The following C10orf67 variants were observed in gnomAD, a reference collection of about 807,000 sequenced individuals.
C10orf67 encodes chromosome 10 open reading frame 67.
C10orf67 carries 60 observed loss-of-function variants against 35.6 expected under a neutral mutation model. The ratio of observed to expected loss-of-function variants is 1.68; its 90% CI spans 1.37 to 2.09. C10orf67 has a LOEUF of 2.09. Ranked by LOEUF, C10orf67 falls within the 30% of genes most tolerant of loss-of-function variation. The pLI is 0.00. For missense variants in C10orf67, 474 were observed against 330.2 expected, an observed-to-expected ratio of 1.44 and a Z score of -3.38; for synonymous variants, 167 against 115.8, an observed-to-expected ratio of 1.44 and a Z score of -2.84.
chr10:23,226,921 CAG>C (rs992057022), intron 13 of C10orf67, among the ~76,000 whole-genome samples: 2 of 152,174 alleles, frequency 1.3e-5, no homozygotes, highest in African/African-American at 4.8e-5. Flanking sequence ...AGACCAATAA[CAG>C]GATCTGAAAT....
At chr10:23,277,159 GA>G (rs1564485746) in intron 8 of C10orf67, among the ~76,000 whole-genome samples, 2 of 152,164 alleles carry the variant, frequency 1.3e-5, no homozygotes, top group Admixed American at 6.5e-5. Flanking sequence ...GTGGACACTG[GA>G]GTTTTTCAGA....
At chr10:23,314,715 G>C (rs958464245) in intron 4 of C10orf67, among the ~76,000 whole-genome samples, 1 of 152,090 alleles carries the variant, frequency 6.6e-6, no homozygotes, top group African/African-American at 2.4e-5. Context: ...TATAGGACTA[G>C]AGGCTTCAGT....
rs530392728 is a variant in C10orf67, at chr10:23,202,814, G to C, written c.*1359C>G. ...AGCAGTTTGATATCACACCCAACCA[G>C]GAGGCTGCTTCCAAGGAATTTCTGT... On this transcript the variant is annotated 3_prime_UTR_variant, in exon 16 of 16. Coordinates refer to ENST00000636213, the MANE Select transcript of C10orf67 (RefSeq NM_001371909.1). 1 of 152,308 alleles carries C rather than the reference G, an allele frequency of 6.6e-6. No individual in the cohort carries two copies. The highest frequency in any genetic ancestry group is 1.5e-5 in the Non-Finnish European group (1 of 68,030). The allele number at this position is 152,308 out of a possible 1,614,324, so 9.4% of individuals were successfully genotyped here.
intron 15 of C10orf67, among the ~76,000 whole-genome samples, chr10:23,222,943 C>G (rs552678577): frequency 6.6e-6 from 1 of 152,090 alleles, no homozygotes; most frequent in Admixed American, 6.6e-5. Context: ...GCCACCAGGC[C>G]CAGTCTACTT....
intron 5 of C10orf67, among the ~76,000 whole-genome samples, chr10:23,296,796 A>T (rs984388998): frequency 2.0e-5 from 3 of 152,214 alleles, no homozygotes; most frequent in Non-Finnish European, 2.9e-5. Context: ...GACAAACTTA[A>T]CAAGGAGGTT....
intron 2 of C10orf67, among the ~76,000 whole-genome samples, chr10:23,331,145 G>T (rs1845434264): frequency 6.7e-6 from 1 of 148,868 alleles, no homozygotes; most frequent in Non-Finnish European, 1.5e-5. Flanking sequence ...ACCGAGACGG[G>T]AACCAGGAAG....
At chr10:23,257,066 A>C (rs1176112578) in intron 10 of C10orf67, among the ~76,000 whole-genome samples, 1 of 152,208 alleles carries the variant, frequency 6.6e-6, no homozygotes, top group Non-Finnish European at 1.5e-5. Context: ...TGGGAAAAAC[A>C]AAAGAAACAG....
At chr10:23,254,427 C>G (rs1052916981) in intron 10 of C10orf67, among the ~76,000 whole-genome samples, 1 of 152,142 alleles carries the variant, frequency 6.6e-6, no homozygotes, top group East Asian at 1.9e-4. Flanking sequence ...CCACGCTGGT[C>G]TTGAACTCCT....
At chr10:23,223,691 G>A (rs1841653381) in intron 14 of C10orf67, 33 bp from the exon 15 acceptor site, 2 of 717,112 alleles carry the variant, frequency 2.8e-6, no homozygotes, top group South Asian at 3.0e-5. Context: ...CATTACTTAA[G>A]TTGAATAATA....
intron 10 of C10orf67, among the ~76,000 whole-genome samples, chr10:23,253,313 T>C (rs1019827596): frequency 1.3e-5 from 2 of 152,036 alleles, no homozygotes; most frequent in African/African-American, 4.8e-5. Flanking sequence ...AAAGTGGGGG[T>C]CACCAAAGTG....
At chr10:23,210,214 C>G (rs779839459) in intron 15 of C10orf67, among the ~76,000 whole-genome samples, 1 of 151,976 alleles carries the variant, frequency 6.6e-6, no homozygotes, top group African/African-American at 2.4e-5. Flanking sequence ...TGATTTCCCT[C>G]AAGCAGGTTC....
intron 2 of C10orf67, among the ~76,000 whole-genome samples, chr10:23,325,637 C>T (rs1184407430): frequency 2.0e-5 from 3 of 149,282 alleles, no homozygotes; most frequent in Admixed American, 2.0e-4. Context: ...AAGATAACAT[C>T]CACACTGTCC....
At chr10:23,322,646 C>A in intron 2 of C10orf67, 109 bp from the exon 3 acceptor site, 1 of 670,532 alleles carries the variant, frequency 1.5e-6, no homozygotes, top group Admixed American at 2.8e-5. Flanking sequence ...CTCATGTGCA[C>A]AAAGAGGGGA....
rs182235748 is a variant in C10orf67, at chr10:23,260,205, G to A, written c.1200+6057C>T. ...AAATTTACAGCATACTTCTTATCAG[G>A]AACTATGCAAGCCGAAAGAGGGTGT... On this transcript the variant is annotated intron_variant, in intron 10 of 15. Coordinates refer to ENST00000636213, the MANE Select transcript of C10orf67 (RefSeq NM_001371909.1). Among the ~76,000 whole-genome samples, 391 of 152,098 alleles carry A rather than the reference G, an allele frequency of 2.6e-3. 3 individuals are homozygous for A. The highest frequency in any genetic ancestry group is 1.8e-3 in the Non-Finnish European group (120 of 67,966).
intron 6 of C10orf67, among the ~76,000 whole-genome samples, chr10:23,290,747 C>A (rs1843696051): frequency 1.3e-5 from 2 of 152,182 alleles, no homozygotes; most frequent in South Asian, 4.1e-4. Flanking sequence ...CAAAGCATAT[C>A]CCTATATGTA....
chr10:23,337,451 C>G (rs1225094464), intron 1 of C10orf67, among the ~76,000 whole-genome samples: 1 of 152,098 alleles, frequency 6.6e-6, no homozygotes, highest in Non-Finnish European at 1.5e-5. Flanking sequence ...GGAAGATCAC[C>G]TGAGCCTGGG....
chr10:23,295,805 G>C (rs1843863105), intron 5 of C10orf67, among the ~76,000 whole-genome samples: 1 of 152,178 alleles, frequency 6.6e-6, no homozygotes, highest in Admixed American at 6.5e-5. Flanking sequence ...AAAATTGAAT[G>C]TGCTTCCTAG....
chr10:23,308,116 C>G (rs1410517717), intron 4 of C10orf67, among the ~76,000 whole-genome samples: 1 of 152,158 alleles, frequency 6.6e-6, no homozygotes, highest in Non-Finnish European at 1.5e-5. Context: ...TTCTGCGTCC[C>G]CTTATTAACA....
chr10:23,338,024 G>A (rs1845753247), intron 1 of C10orf67, among the ~76,000 whole-genome samples: 2 of 152,186 alleles, frequency 1.3e-5, no homozygotes, highest in African/African-American at 4.8e-5. Flanking sequence ...TAACAAGATG[G>A]TCAGGAACTT....
Sources: allele counts gnomAD v4.1 joint callset (sites outside exome capture counted in the v4.1 genomes callset), GRCh38; gene constraint gnomAD v4.1.1; transcripts MANE v1.5; gene names NCBI Gene and HGNC (gene_info 2026-07-23, HGNC 2026-07-21).